DHTKD1: variants seen among roughly 807,000 people sequenced by gnomAD.
The protein encoded by DHTKD1 is 2-oxoadipate dehydrogenase complex component E1.
In DHTKD1, 78 loss-of-function variants were observed where a neutral mutation model predicts 101.8. That is an observed-to-expected ratio of 0.77 (90% CI 0.64 to 0.93). The LOEUF (loss-of-function observed/expected upper bound fraction) is 0.93, where lower values mean the gene tolerates loss of function less well. Among genes scored for constraint, DHTKD1 ranks in the 40% least tolerant of loss-of-function variants. DHTKD1 has a pLI of 0.00. For synonymous variants in DHTKD1, 462 were observed against 450.3 expected (o/e 1.03, Z -0.33); for missense variants, 1,223 against 1,161.7 (o/e 1.05, Z -0.77).
intron 1 of DHTKD1, among the ~76,000 whole-genome samples, chr10:12,074,704 C>T (rs893495701): frequency 1.3e-5 from 2 of 150,976 alleles, no homozygotes; most frequent in African/African-American, 4.8e-5. Flanking sequence ...CTCCACTGCA[C>T]TCCAGCCTGG....
At chr10:12,082,536 C>T (rs1311290971) in intron 2 of DHTKD1, among the ~76,000 whole-genome samples, 1 of 152,110 alleles carries the variant, frequency 6.6e-6, no homozygotes, top group Non-Finnish European at 1.5e-5. Context: ...GGCATTTAAA[C>T]CCTCAATGAT....
At chr10:12,075,678 G>A (rs1034994768) in intron 1 of DHTKD1, among the ~76,000 whole-genome samples, 7 of 152,072 alleles carry the variant, frequency 4.6e-5, no homozygotes, top group Non-Finnish European at 1.0e-4. Context: ...CCAGTAATAG[G>A]AAGTATTTTA....
At position 12,084,681 on chromosome 10, in the gene DHTKD1, A is replaced by T; in HGVS notation, c.452A>T (p.Glu151Val). The change falls in exon 3 of 17, where the codon GAG (glutamate) becomes GTG (valine). Residue 151 changes from glutamate (E) to valine (V), a missense_variant. Physicochemically the swap from Glu to Val is moderately radical, Grantham distance 121. Coordinates refer to ENST00000263035, the MANE Select transcript of DHTKD1 (RefSeq NM_018706.7). ...AAAGACTGGTTTGCCAAGCGGTTTG[A>T]GGAACTGCAAAAGGAGACGTTTACC... ...DEKDWFAKRF[E>V]ELQKETFTTE... 2 of 1,614,158 alleles carry T rather than the reference A, an allele frequency of 1.2e-6. No homozygotes were observed. Among genetic ancestry groups the T allele is most frequent in the Non-Finnish European group, 1.7e-6 (2 of 1,180,028 alleles).
chr10:12,081,538 AC>A lies in DHTKD1; in HGVS notation c.226del (p.Leu76SerfsTer31), dbSNP rs1194287903. 1.2e-6 allele frequency: 2 copies of A among 1,614,024 alleles called. No individual in the cohort carries two copies. The highest frequency in any genetic ancestry group is 3.3e-5 in the Admixed American group (2 of 59,954). On this transcript the variant is annotated frameshift_variant, in exon 2 of 17. Transcript: ENST00000263035. LOFTEE classifies it high-confidence loss of function. ...CATGGTCATAAAGCTGCCAAAATCA[AC>A]CCCCTCTTCACCGGACAAGCCCTGC... ...CEHGHKAAKI[N>X]PLFTGQALLE...
At position 12,121,939 on chromosome 10, in the gene DHTKD1, GCATGT is replaced by G. The variant is rs1302162897; in HGVS notation, c.*1054_*1058del. 1 of 152,154 alleles carries G rather than the reference GCATGT, an allele frequency of 6.6e-6. No individual in the cohort carries two copies. The highest frequency in any genetic ancestry group is 6.6e-5 in the Admixed American group (1 of 15,256). 9.4% of individuals were successfully genotyped at this position (152,154 alleles called of 1,614,324 possible). A position where few individuals can be genotyped will look rare whatever the true frequency, so the allele number is the denominator to read the frequency against. ...AACACTGCCTCTTGATTTGTTTGAT[GCATGT>G]CACTTTCATTAATTTTCCCCCTCCT... On this transcript the variant is annotated 3_prime_UTR_variant, in exon 17 of 17. Coordinates refer to ENST00000263035, the MANE Select transcript of DHTKD1 (RefSeq NM_018706.7).
intron 1 of DHTKD1, among the ~76,000 whole-genome samples, chr10:12,073,009 T>G (rs921681831): frequency 6.6e-6 from 1 of 151,774 alleles, no homozygotes; most frequent in Non-Finnish European, 1.5e-5. Flanking sequence ...GTGCTGGGAT[T>G]ACAGGCATGA....
In DHTKD1 at chr10:12,101,077, C is replaced by A. The variant is rs375292909; in HGVS notation, c.1792C>A (p.Arg598Ser). 1.2e-6 allele frequency: 2 copies of A among 1,613,986 alleles called. No individual in the cohort carries two copies. Among genetic ancestry groups the A allele is most frequent in the Admixed American group, 3.3e-5 (2 of 59,974 alleles). ...NVRLSGQDVG[R>S]GTFSQRHAIV... is the part of the protein sequence containing the mutation. ...TCGTCTAAGTGGCCAAGATGTTGGT[C>A]GTGGAACTTTCAGTCAGAGGCATGC... is the stretch of plus-strand genomic sequence containing the variant. Residue 598 changes from arginine (R) to serine (S), a missense_variant, in exon 10 of 17, where the codon CGT becomes AGT. By Grantham distance (110) the Arg-to-Ser change is moderately radical (BLOSUM62 -1). Coordinates refer to ENST00000263035, the MANE Select transcript of DHTKD1 (RefSeq NM_018706.7).
At chr10:12,079,108 A>G (rs1832776427) in intron 1 of DHTKD1, among the ~76,000 whole-genome samples, 1 of 151,952 alleles carries the variant, frequency 6.6e-6, no homozygotes, top group Non-Finnish European at 1.5e-5. Flanking sequence ...TATTTTTTAG[A>G]TATGGGATCT....
intron 1 of DHTKD1, among the ~76,000 whole-genome samples, chr10:12,073,118 T>C (rs1832675798): frequency 6.6e-6 from 1 of 151,990 alleles, no homozygotes; most frequent in African/African-American, 2.4e-5. Flanking sequence ...CTGCAACCTA[T>C]TCCTCCTGGG....
At position 12,098,012 on chromosome 10, in the gene DHTKD1, A is replaced by G; in HGVS notation, c.1671+16A>G. On this transcript the variant is annotated intron_variant, in intron 8 of 16. Coordinates refer to ENST00000263035, the MANE Select transcript of DHTKD1 (RefSeq NM_018706.7). ...ACATGTTCAGGTGGGCAGCCTCCAA[A>G]TGGCTGGTTATTGCTTCTCCTTCCT... 1 of 1,582,416 alleles carries G rather than the reference A, an allele frequency of 6.3e-7. No individual in the cohort carries two copies.
At chr10:12,083,626 C>T (rs760678316) in intron 2 of DHTKD1, among the ~76,000 whole-genome samples, 11 of 151,632 alleles carry the variant, frequency 7.3e-5, no homozygotes, top group African/African-American at 1.2e-4. Flanking sequence ...CCCAGCTACT[C>T]GGGAGGCTGA....
At chr10:12,084,144 A>C in intron 2 of DHTKD1, among the ~76,000 whole-genome samples, 1 of 152,088 alleles carries the variant, frequency 6.6e-6, no homozygotes, top group East Asian at 1.9e-4. Flanking sequence ...GCTGGGCTCG[A>C]ACTCCTGACC....
At chr10:12,100,974 TAC>T in intron 9 of DHTKD1, 66 bp from the exon 10 acceptor site, 1 of 1,534,262 alleles carries the variant, frequency 6.5e-7, no homozygotes, top group Non-Finnish European at 8.9e-7. Flanking sequence ...TATAAGAATT[TAC>T]AGTCACCACA....
chr10:12,101,701 T>G (rs1833173910), intron 10 of DHTKD1, among the ~76,000 whole-genome samples: 2 of 152,128 alleles, frequency 1.3e-5, no homozygotes, highest in Non-Finnish European at 2.9e-5. Flanking sequence ...CCTCCCAGGC[T>G]CAGGGGATCC....
At chr10:12,113,197 A>AT (rs945060769) in intron 13 of DHTKD1, 133 bp downstream of exon 13, 154 of 899,256 alleles carry the variant, frequency 1.7e-4, no homozygotes, top group African/African-American at 1.6e-3. Flanking sequence ...TGCTACTTTC[A>AT]TTTTTTTTGT....
intron 1 of DHTKD1, among the ~76,000 whole-genome samples, chr10:12,074,253 T>G (rs1172703332): frequency 1.3e-5 from 2 of 152,140 alleles, no homozygotes; most frequent in African/African-American, 4.8e-5. Context: ...CAATTACAGC[T>G]TACCATAGCC....
At chr10:12,118,640 C>G in intron 14 of DHTKD1, 109 bp from the exon 15 acceptor site, 2 of 830,704 alleles carry the variant, frequency 2.4e-6, no homozygotes, top group Non-Finnish European at 3.5e-6. Context: ...CCTTGGCCTC[C>G]CAAAGTGCTG....
At chr10:12,072,602 T>C (rs1832668228) in intron 1 of DHTKD1, among the ~76,000 whole-genome samples, 1 of 152,220 alleles carries the variant, frequency 6.6e-6, no homozygotes, top group Admixed American at 6.6e-5. Flanking sequence ...TGAGTGTTCT[T>C]TGTAACTAGG....
At chr10:12,082,706 C>T (rs970370659) in intron 2 of DHTKD1, among the ~76,000 whole-genome samples, 3 of 151,556 alleles carry the variant, frequency 2.0e-5, no homozygotes, top group Admixed American at 1.3e-4. Flanking sequence ...AAAGCAAACA[C>T]GTTAATGTGG....
Sources: allele counts gnomAD v4.1 joint callset (sites outside exome capture counted in the v4.1 genomes callset), GRCh38; gene constraint gnomAD v4.1.1; transcripts MANE v1.5; gene names NCBI Gene and HGNC (gene_info 2026-07-23, HGNC 2026-07-21).